Variants in ARRB1 observed in about 807,000 individuals in gnomAD.
The protein encoded by ARRB1 is beta-arrestin-1.
ARRB1 carries 21 observed loss-of-function variants against 56.8 expected under a neutral mutation model. The observed-to-expected ratio is 0.37, with a 90% CI of 0.26 to 0.53. The LOEUF is 0.53. Among genes scored for constraint, ARRB1 ranks in the 20% least tolerant of loss-of-function variants. The pLI is 0.88. For missense variants in ARRB1, 424 were observed against 553.7 expected, an observed-to-expected ratio of 0.77 and a Z score of 2.35; for synonymous variants, 210 against 218.6, an observed-to-expected ratio of 0.96 and a Z score of 0.35.
At chr11:75,342,708 C>T (rs1044805494) in intron 1 of ARRB1, among the ~76,000 whole-genome samples, 1 of 152,050 alleles carries the variant, frequency 6.6e-6, no homozygotes, top group East Asian at 1.9e-4. Context: ...AAGAATGGAG[C>T]GCGCCCTCCA....
At chr11:75,331,828 T>C (rs60244105) in intron 1 of ARRB1, among the ~76,000 whole-genome samples, 12 of 152,040 alleles carry the variant, frequency 7.9e-5, no homozygotes, top group Admixed American at 7.2e-4. Context: ...ACCCTACATG[T>C]CGTGACTTAC....
At chr11:75,309,207 G>T (rs1947105317) in intron 1 of ARRB1, among the ~76,000 whole-genome samples, 1 of 152,228 alleles carries the variant, frequency 6.6e-6, no homozygotes, top group Admixed American at 6.5e-5. Flanking sequence ...CAGCCTGCCT[G>T]GTGGGCCTGA....
At chr11:75,267,846 C>G in intron 14 of ARRB1, 143 bp from the exon 15 acceptor site, 2 of 715,250 alleles carry the variant, frequency 2.8e-6, no homozygotes, top group Non-Finnish European at 4.8e-6. Flanking sequence ...TGGGGGAGGA[C>G]TCATTCCTGG....
At chr11:75,288,689 C>T (rs1469496539) in intron 2 of ARRB1, among the ~76,000 whole-genome samples, 1 of 151,196 alleles carries the variant, frequency 6.6e-6, no homozygotes. Context: ...AATTTCAGCT[C>T]ACTGCAACCT....
intron 1 of ARRB1, among the ~76,000 whole-genome samples, chr11:75,325,950 T>C (rs1270964803): frequency 6.6e-6 from 1 of 152,146 alleles, no homozygotes. Context: ...GCTTGGAGGT[T>C]AGAAAACAGA....
intron 1 of ARRB1, among the ~76,000 whole-genome samples, chr11:75,342,543 C>T (rs966310984): frequency 4.6e-5 from 7 of 152,162 alleles, no homozygotes; most frequent in African/African-American, 1.7e-4. Context: ...ACCGGTGGGT[C>T]ATCGGAAACC....
intron 12 of ARRB1, among the ~76,000 whole-genome samples, chr11:75,272,266 C>T (rs1159004849): frequency 6.6e-6 from 1 of 152,148 alleles, no homozygotes; most frequent in African/African-American, 2.4e-5. Flanking sequence ...AATTAAGTTA[C>T]AAAAAAGAAA....
chr11:75,315,512 T>C (rs959396575), intron 1 of ARRB1, among the ~76,000 whole-genome samples: 4 of 152,192 alleles, frequency 2.6e-5, no homozygotes, highest in Admixed American at 6.5e-5. Flanking sequence ...TCCAACTCAC[T>C]GGCTAAGCAC....
intron 1 of ARRB1, among the ~76,000 whole-genome samples, chr11:75,313,128 A>G (rs1401985305): frequency 6.6e-6 from 1 of 152,130 alleles, no homozygotes; most frequent in Non-Finnish European, 1.5e-5. Flanking sequence ...CAAGGCGGGC[A>G]GATCACTTGA....
intron 11 of ARRB1, 98 bp downstream of exon 11, chr11:75,273,976 A>G (rs752342162): frequency 2.1e-4 from 334 of 1,558,726 alleles, no homozygotes; most frequent in Non-Finnish European, 2.0e-4. Context: ...TGGAGAGGGT[A>G]GCCTGAGCCT....
rs1555149830 is a variant in ARRB1, at chr11:75,261,206, G to GTGTGTA, written c.*4956_*4957insTACACA. ...CGTGTGTGTGTGTGTGTGTGTGTGT[G>GTGTGTA]TGTGTGTGTGTGTGTATAAATGCTT... On this transcript the variant is annotated 3_prime_UTR_variant, in exon 16 of 16. Coordinates refer to ENST00000420843, the MANE Select transcript of ARRB1 (RefSeq NM_004041.5). 788 of 152,142 alleles carry GTGTGTA rather than the reference G, an allele frequency of 5.2e-3. 9 individuals are homozygous for GTGTGTA. The highest frequency in any genetic ancestry group is 0.018 in the African/African-American group (744 of 41,278). 9.4% of individuals were successfully genotyped at this position (152,142 alleles called of 1,614,324 possible).
At chr11:75,301,616 C>T (rs759860910) in intron 1 of ARRB1, among the ~76,000 whole-genome samples, 21 of 152,150 alleles carry the variant, frequency 1.4e-4, no homozygotes, top group African/African-American at 4.8e-4. Context: ...GGTGGGGAGA[C>T]GCAAGGGGGC....
chr11:75,283,571 C>T, intron 4 of ARRB1, 88 bp from the exon 5 acceptor site: 2 of 1,296,242 alleles, frequency 1.5e-6, no homozygotes, highest in Non-Finnish European at 2.1e-6. Flanking sequence ...GGGACGGGCC[C>T]CACTGGAGGC....
intron 1 of ARRB1, among the ~76,000 whole-genome samples, chr11:75,337,101 T>C (rs1025311514): frequency 2.0e-5 from 3 of 152,222 alleles, no homozygotes; most frequent in African/African-American, 4.8e-5. Flanking sequence ...TATTTAATTA[T>C]CTCCAGGCTA....
rs1000562510 is a variant in ARRB1, at chr11:75,319,381, C to A, written c.21-29342G>T. ...GGTGCCACTCCAGGAGGCCAGGGTG[C>A]CCATGCCCAGATGAAAGGTTCCTCA... On this transcript the variant is annotated intron_variant, in intron 1 of 15. Transcript: ENST00000420843. 2.6e-5 allele frequency among the ~76,000 whole-genome samples: 4 copies of A among 152,190 alleles called. No homozygotes were observed. The South Asian group carries it at 8.3e-4, about 32-fold the overall frequency.
intron 1 of ARRB1, chr11:75,303,761 C>T: frequency 4.4e-6 from 2 of 451,438 alleles, no homozygotes; most frequent in Non-Finnish European, 8.9e-6. Flanking sequence ...CCAGGCACCA[C>T]CAGGCACCCA....
chr11:75,295,643 C>A (rs1248438462), intron 1 of ARRB1, among the ~76,000 whole-genome samples: 1 of 152,190 alleles, frequency 6.6e-6, no homozygotes, highest in East Asian at 1.9e-4. Context: ...TGTGACATAT[C>A]CTATTCACAG....
chr11:75,310,505 A>G (rs1280869302), intron 1 of ARRB1, among the ~76,000 whole-genome samples: 1 of 152,158 alleles, frequency 6.6e-6, no homozygotes, highest in South Asian at 2.1e-4. Flanking sequence ...CATTTATTTT[A>G]TACTCTCTGT....
At chr11:75,323,456 C>G (rs1338870904) in intron 1 of ARRB1, among the ~76,000 whole-genome samples, 1 of 152,080 alleles carries the variant, frequency 6.6e-6, no homozygotes. Flanking sequence ...CTCATCTCTA[C>G]TAAAAATACA....
Sources: allele counts gnomAD v4.1 joint callset (sites outside exome capture counted in the v4.1 genomes callset), GRCh38; gene constraint gnomAD v4.1.1; transcripts MANE v1.5; gene names NCBI Gene and HGNC (gene_info 2026-07-23, HGNC 2026-07-21).